POLE: variants seen among roughly 807,000 people sequenced by gnomAD.
The protein encoded by POLE is DNA polymerase epsilon catalytic subunit A.
POLE carries 188 observed loss-of-function variants against 279.2 expected under a neutral mutation model. The ratio of observed to expected loss-of-function variants is 0.67; its 90% CI spans 0.60 to 0.76. The LOEUF (loss-of-function observed/expected upper bound fraction) is 0.76, where lower values mean the gene tolerates loss of function less well. Ranked by LOEUF, POLE falls within the 30% of genes least tolerant of loss-of-function variation. The pLI is 0.00. For synonymous variants in POLE, 1,214 were observed against 1,172.5 expected (o/e 1.04, Z -0.72); for missense variants, 2,703 against 3,016.7 (o/e 0.90, Z 2.44).
At chr12:132,652,916 C>T (rs577424748) in intron 29 of POLE, among the ~76,000 whole-genome samples, 12 of 152,102 alleles carry the variant, frequency 7.9e-5, no homozygotes, top group South Asian at 4.1e-4. Flanking sequence ...TTTTAGGATT[C>T]GTCTGTCAAG....
chr12:132,665,476 C>A (rs1422466620), intron 20 of POLE, 26 bp from the exon 21 acceptor site: 2 of 1,585,728 alleles, frequency 1.3e-6, no homozygotes, highest in Middle Eastern at 1.7e-4. Flanking sequence ...ACATGGAGCA[C>A]CTCACAGATT....
At chr12:132,667,041 G>T (rs186968268) in intron 20 of POLE, among the ~76,000 whole-genome samples, 56 of 152,282 alleles carry the variant, frequency 3.7e-4, no homozygotes, top group Non-Finnish European at 4.1e-4. Context: ...TATCAAAACA[G>T]AGGTGTTGCT....
chr12:132,636,064 G>T (rs769283982), intron 41 of POLE, 40 bp from the exon 42 acceptor site: 2 of 1,590,662 alleles, frequency 1.3e-6, no homozygotes, highest in East Asian at 2.2e-5. Context: ...CAGTGAAATC[G>T]ACCTTGTTCT....
chr12:132,672,580 C>G (rs2042954322), intron 15 of POLE, 47 bp downstream of exon 15: 2 of 1,581,270 alleles, frequency 1.3e-6, no homozygotes, highest in East Asian at 2.2e-5. Context: ...TGGGTCCTAC[C>G]ACAGCACAAG....
intron 39 of POLE, among the ~76,000 whole-genome samples, chr12:132,640,702 T>C (rs2042123922): frequency 6.6e-6 from 1 of 152,250 alleles, no homozygotes; most frequent in African/African-American, 2.4e-5. Context: ...CAAGAGAACC[T>C]ACAGAGGTCC....
At chr12:132,676,501 A>T (rs2136015059) in intron 9 of POLE, 45 bp downstream of exon 9, 1 of 1,158,654 alleles carries the variant, frequency 8.6e-7, no homozygotes, top group Non-Finnish European at 1.3e-6. Context: ...GGACCAGACA[A>T]GGTCCCCATC....
At position 132,676,629 on chromosome 12, in the gene POLE, T is replaced by G; in HGVS notation, c.826A>C (p.Ile276Leu). Residue 276 changes from isoleucine to leucine, a missense_variant, in exon 9 of 49, where the codon ATT (isoleucine) becomes CTT (leucine). Around this residue, in one of 5 missense-constraint regions of POLE, gnomAD observed 1,011 missense variants for 1,111.7 expected, o/e 0.91. Coordinates refer to ENST00000320574, the MANE Select transcript of POLE (RefSeq NM_006231.4). ...RPDPVVLAFD[I>L]ETTKLPLKFP... The stretch of plus-strand genomic sequence containing the variant: ...TTGAGGGGCAGTTTGGTCGTCTCAA[T>G]GTCAAATGCCAAAACCACAGGGTCC... The G allele has an allele frequency of 6.2e-7, 1 of 1,613,498 alleles. No individual in the cohort carries two copies. Among genetic ancestry groups the G allele is most frequent in the African/African-American group, 1.3e-5 (1 of 75,006 alleles).
rs777285978 is a variant in POLE at position 132,638,152 on chromosome 12, T to C, written c.5553-13A>G. 3.1e-6 allele frequency: 5 copies of C among 1,612,790 alleles called. No individual in the cohort carries two copies. The highest frequency in any genetic ancestry group is 3.4e-6 in the Non-Finnish European group (4 of 1,179,388). ...CTCAGCGATGAGCCTGTGGAGCAAGTTGAGAGTCCGTGGTGGAGACGCCAC... is the reference window on the plus strand; with the variant it reads ...CTCAGCGATGAGCCTGTGGAGCAAGCTGAGAGTCCGTGGTGGAGACGCCAC... On this transcript the variant is annotated splice_polypyrimidine_tract_variant and intron_variant, in intron 40 of 48. Coordinates refer to ENST00000320574, the MANE Select transcript of POLE (RefSeq NM_006231.4).
intron 35 of POLE, 30 bp downstream of exon 35, chr12:132,643,194 A>C (rs1593733355): frequency 6.2e-7 from 1 of 1,602,716 alleles, no homozygotes; most frequent in African/African-American, 1.3e-5. Context: ...GCCCCAGCCA[A>C]TGTGCTGCCA....
rs764439900 is a variant in POLE, at chr12:132,636,000, A to G, written c.5703T>C (p.His1901=). The change falls in exon 42 of 49, where the codon CAT becomes CAC. Residue 1901 remains histidine (H), a synonymous_variant. Transcript: ENST00000320574. Reference sequence around the variant, plus strand: ...ATCGAGAGAAAGAAATTGTCAGAGAATGGAAGGTCTCCTTTGAATGGATGC... The same window carrying G: ...ATCGAGAGAAAGAAATTGTCAGAGAGTGGAAGGTCTCCTTTGAATGGATGC... ...TSSIHSKETF[H]SLTISFSRCW... 6.2e-7 allele frequency: 1 copy of G among 1,613,970 alleles called. No homozygotes were observed. Among genetic ancestry groups the G allele is most frequent in the South Asian group, 1.1e-5 (1 of 91,046 alleles).
Position 132,634,164 on chromosome 12 carries a change from C to T in POLE, c.6004+22G>A. On this transcript the variant is annotated intron_variant, in intron 43 of 48. Transcript: ENST00000320574. The surrounding 1 kb of genome is among the most constrained non-coding windows in gnomAD (Gnocchi z 4.0). ...ATGAGTCCCTTCAGTGGGGGCTGCG[C>T]AGCCCTGGGCTCTGGGCTTACCTGA... is the stretch of plus-strand genomic sequence containing the variant. 1 of 1,589,602 alleles carries T rather than the reference C, an allele frequency of 6.3e-7. No homozygotes were observed. Among genetic ancestry groups the T allele is most frequent in the East Asian group, 2.2e-5 (1 of 44,650 alleles).
In POLE at chr12:132,677,346, A is replaced by G; in HGVS notation, c.801+17T>C. 6.2e-7 allele frequency: 1 copy of G among 1,603,714 alleles called. No individual in the cohort carries two copies. Among genetic ancestry groups the G allele is most frequent in the Non-Finnish European group, 8.5e-7 (1 of 1,170,454 alleles). On this transcript the variant is annotated intron_variant, in intron 8 of 48. Transcript: ENST00000320574. ...AACTGGAAATTTTAGGATGAAGGTAACACAAGCAAAACTTACAGGTCGTTC... is the reference window on the plus strand; with the variant it reads ...AACTGGAAATTTTAGGATGAAGGTAGCACAAGCAAAACTTACAGGTCGTTC...
At chr12:132,644,721 G>A (rs1212732467) in intron 32 of POLE, among the ~76,000 whole-genome samples, 4 of 99,620 alleles carry the variant, frequency 4.0e-5, no homozygotes, top group Admixed American at 9.8e-5. Flanking sequence ...CCCTAGCTTC[G>A]TGAATGGGGT....
intron 29 of POLE, among the ~76,000 whole-genome samples, chr12:132,656,468 CCTG>C (rs1033239741): frequency 2.0e-5 from 3 of 152,010 alleles, no homozygotes; most frequent in Non-Finnish European, 4.4e-5. Flanking sequence ...ACGCTGTTCT[CCTG>C]CCTCAGCCTC....
intron 45 of POLE, among the ~76,000 whole-genome samples, chr12:132,630,756 T>C (rs1390877169): frequency 6.6e-6 from 1 of 152,074 alleles, no homozygotes; most frequent in African/African-American, 2.4e-5. Context: ...GCCAGGGAAA[T>C]GCAAATCAGA....
At chr12:132,642,422 C>CG (rs2042166952) in intron 37 of POLE, 25 bp from the exon 38 acceptor site, 1 of 1,591,280 alleles carries the variant, frequency 6.3e-7, no homozygotes, top group African/African-American at 1.3e-5. Context: ...AGGTCAGCAC[C>CG]GGGGCACATC....
rs760237541 is a variant in POLE at position 132,657,928 on chromosome 12, C to T, written c.3318G>A (p.Arg1106=). Residue 1106 remains arginine, a synonymous_variant, in exon 27 of 49, where the codon AGG becomes AGA. Coordinates refer to ENST00000320574, the MANE Select transcript of POLE (RefSeq NM_006231.4). ...LAIFQAEPTV[R]KHFLRKWLKS... ...TGAGCCATTTCCGGAGAAAGTGCTT[C>T]CTCACCGTGGGCTCTGCTTGGAAAA... 1.2e-6 allele frequency: 2 copies of T among 1,614,146 alleles called. No homozygotes were observed. Among genetic ancestry groups the T allele is most frequent in the East Asian group, 2.2e-5 (1 of 44,888 alleles).
chr12:132,649,401 G>A lies in POLE; in HGVS notation c.3910C>T (p.Pro1304Ser), dbSNP rs2042365731. 6.2e-7 allele frequency: 1 copy of A among 1,613,272 alleles called. No homozygotes were observed. Among genetic ancestry groups the A allele is most frequent in the Admixed American group, 1.7e-5 (1 of 60,024 alleles). Residue 1304 changes from proline to serine, a missense_variant, in exon 31 of 49, where the codon CCC (proline) becomes TCC (serine). Physicochemically the swap from Pro to Ser is moderately conservative, Grantham distance 74 (BLOSUM62 -1). Around this residue, in one of 5 missense-constraint regions of POLE, gnomAD observed 1,551 missense variants for 1,686.1 expected, o/e 0.92. Transcript: ENST00000320574. ...RLESAEGVLRPGAIRDGPATG... is the reference protein window; with the variant it reads ...RLESAEGVLRSGAIRDGPATG... ...GCAGGACCATCCCGGATGGCCCCGG[G>A]CCTGAGCACACCCTCTGCCGACTCC... is the stretch of plus-strand genomic sequence containing the variant.
intron 6 of POLE, among the ~76,000 whole-genome samples, chr12:132,677,976 G>A (rs773806012): frequency 2.0e-5 from 3 of 152,232 alleles, no homozygotes; most frequent in Non-Finnish European, 2.9e-5. Flanking sequence ...TCAGGAGTTC[G>A]AGACGAGCCT....
Sources: gnomAD v4.1 joint callset for allele counts (sites outside exome capture counted in the v4.1 genomes callset) on GRCh38, gnomAD v4.1.1 for gene constraint, gnomAD v4.1.1 regional missense constraint, Gnocchi (gnomAD v3.1) non-coding constraint, MANE v1.5 for transcripts, NCBI Gene and HGNC (gene_info 2026-07-23, HGNC 2026-07-21) for gene names.